Variants in DHRS9 observed in about 807,000 individuals in gnomAD.
DHRS9 encodes the protein dehydrogenase/reductase 9, also known as dehydrogenase/reductase SDR family member 9.
A neutral mutation model predicts 26.6 loss-of-function variants in DHRS9; 18 were observed. The observed-to-expected ratio is 0.68, with a 90% CI of 0.47 to 1.00. The LOEUF (loss-of-function observed/expected upper bound fraction) is 1.00, where lower values mean the gene tolerates loss of function less well. Among genes scored for constraint, DHRS9 ranks in the 50% least tolerant of loss-of-function variants. The pLI, the probability that DHRS9 is intolerant of heterozygous loss-of-function variation, is 0.00. For synonymous variants in DHRS9, 134 were observed against 141.1 expected, an observed-to-expected ratio of 0.95 and a Z score of 0.36; for missense variants, 425 against 378.7, an observed-to-expected ratio of 1.12 and a Z score of -1.01.
At chr2:169,075,822 A>G (rs1004679908) in intron 1 of DHRS9, among the ~76,000 whole-genome samples, 4 of 152,182 alleles carry the variant, frequency 2.6e-5, no homozygotes, top group African/African-American at 9.7e-5. Context: ...CCTGTGTGCC[A>G]TCTCAGGGGG....
rs529290741 is a variant in DHRS9 at position 169,070,451 on chromosome 2, T to C, written c.-60+734T>C. 8.6e-5 allele frequency: 85 copies of C among 985,420 alleles called. No individual in the cohort carries two copies. The African/African-American group carries it at 1.4e-3, about 16-fold the overall frequency. 61.0% of individuals were successfully genotyped at this position (985,420 alleles called of 1,614,324 possible). ...AACAATCAAGTTAGAGTTGTACAAA[T>C]GGCTCTGAAATGTCCCACTACACTG... On this transcript the variant is annotated intron_variant, in intron 1 of 4. Coordinates refer to ENST00000674881, the MANE Select transcript of DHRS9 (RefSeq NM_001376924.1).
intron 3 of DHRS9, among the ~76,000 whole-genome samples, chr2:169,090,534 T>C (rs1459065473): frequency 6.6e-6 from 1 of 152,222 alleles, no homozygotes; most frequent in Non-Finnish European, 1.5e-5. Flanking sequence ...TTTCAAACTT[T>C]ACAATAATAA....
intron 1 of DHRS9, among the ~76,000 whole-genome samples, chr2:169,077,455 A>T (rs560213259): frequency 6.6e-6 from 1 of 152,352 alleles, no homozygotes; most frequent in East Asian, 1.9e-4. Flanking sequence ...ATCAGCATTA[A>T]TCATATTTTG....
Position 169,081,971 on chromosome 2 carries a change from C to G in DHRS9, c.313+77C>G, listed in dbSNP as rs2105291422. On this transcript the variant is annotated intron_variant, in intron 2 of 4. Transcript: ENST00000674881. The stretch of plus-strand genomic sequence containing the variant: ...TAACCAAAGCTAAATAAAACATGCT[C>G]AAGTTTTAAATGGCCTTTCGAGAAA... 8 of 1,416,206 alleles carry G rather than the reference C, an allele frequency of 5.6e-6. 1 individual carries two copies. The highest frequency in any genetic ancestry group is 7.6e-6 in the Non-Finnish European group (8 of 1,054,082). 87.7% of individuals were successfully genotyped at this position (1,416,206 alleles called of 1,614,324 possible).
intron 1 of DHRS9, among the ~76,000 whole-genome samples, chr2:169,071,651 C>T (rs1009283756): frequency 2.6e-5 from 4 of 152,112 alleles, no homozygotes; most frequent in African/African-American, 9.7e-5. Context: ...TTACCTCCTG[C>T]CCTCAGGGAA....
chr2:169,086,168 T>TC (rs1684343295), intron 3 of DHRS9, among the ~76,000 whole-genome samples: 2 of 152,228 alleles, frequency 1.3e-5, no homozygotes, highest in South Asian at 2.1e-4. Context: ...TATGCCTCAT[T>TC]CTTTTTTTTT....
At chr2:169,084,981 T>G (rs2105295078) in intron 3 of DHRS9, among the ~76,000 whole-genome samples, 1 of 152,348 alleles carries the variant, frequency 6.6e-6, no homozygotes, top group Non-Finnish European at 1.5e-5. Flanking sequence ...GATTTAAGTC[T>G]TTAATCCATT....
chr2:169,091,708 T>G (rs1684532037), intron 3 of DHRS9, 82 bp from the exon 4 acceptor site: 1 of 1,407,432 alleles, frequency 7.1e-7, no homozygotes, highest in African/African-American at 1.4e-5. Flanking sequence ...CATGAAAAGA[T>G]TCGTGAGAAA....
At chr2:169,093,949 T>G (rs1684615271) in intron 4 of DHRS9, among the ~76,000 whole-genome samples, 2 of 152,202 alleles carry the variant, frequency 1.3e-5, no homozygotes. Flanking sequence ...AGCTCAGGTA[T>G]GGTTTAAAAG....
chr2:169,081,715 C>A lies in DHRS9; in HGVS notation c.134C>A (p.Ala45Glu). 1 of 1,614,126 alleles carries A rather than the reference C, an allele frequency of 6.2e-7. No homozygotes were observed. Among genetic ancestry groups the A allele is most frequent in the Non-Finnish European group, 8.5e-7 (1 of 1,180,014 alleles). The change falls in exon 2 of 5, where the codon GCA becomes GAA. Residue 45 changes from alanine (A) to glutamate (E), a missense_variant. Transcript: ENST00000674881. ...TGCDSGFGNL[A>E]ARTFDKKGFH... ...TGTGACTCGGGCTTTGGAAACTTGGCAGCCAGAACTTTTGATAAAAAGGGA... is the reference window on the plus strand; with the variant it reads ...TGTGACTCGGGCTTTGGAAACTTGGAAGCCAGAACTTTTGATAAAAAGGGA...
At chr2:169,068,422 G>A (rs1683708083), upstream of DHRS9, among the ~76,000 whole-genome samples, 1 of 152,148 alleles carries the variant, frequency 6.6e-6, no homozygotes, top group African/African-American at 2.4e-5. Flanking sequence ...TGGCCTCCCA[G>A]ATTCAAGAGA....
intron 3 of DHRS9, among the ~76,000 whole-genome samples, chr2:169,088,075 C>T (rs1684408207): frequency 1.3e-5 from 2 of 152,202 alleles, no homozygotes; most frequent in South Asian, 4.1e-4. Flanking sequence ...GAATTGCAAT[C>T]CTTGTGACCT....
At chr2:169,077,875 A>G (rs952218457) in intron 1 of DHRS9, among the ~76,000 whole-genome samples, 1 of 152,124 alleles carries the variant, frequency 6.6e-6, no homozygotes, top group African/African-American at 2.4e-5. Flanking sequence ...CAGTTATTAT[A>G]CTATAACAGA....
At chr2:169,067,263 C>G (rs1418853288), upstream of DHRS9, 8 of 1,535,474 alleles carry the variant, frequency 5.2e-6, no homozygotes, top group Non-Finnish European at 6.1e-6. Flanking sequence ...AGCCTGCACA[C>G]TGGAGTAAGT....
At chr2:169,092,239 A>G (rs1684552566) in intron 4 of DHRS9, among the ~76,000 whole-genome samples, 1 of 152,174 alleles carries the variant, frequency 6.6e-6, no homozygotes, top group South Asian at 2.1e-4. Flanking sequence ...AGAAAGTGAA[A>G]TGTCCTGCTC....
At chr2:169,067,759 A>G (rs141241451), upstream of DHRS9, among the ~76,000 whole-genome samples, 92 of 152,280 alleles carry the variant, frequency 6.0e-4, no homozygotes, top group African/African-American at 1.7e-3. Context: ...TATGAATTTG[A>G]ATGTGTATAT....
chr2:169,070,523 T>C (rs1683767054), intron 1 of DHRS9: 1 of 985,310 alleles, frequency 1.0e-6, no homozygotes, highest in South Asian at 4.7e-5. Context: ...TATCCTAGTA[T>C]CCCTCGGCAT....
chr2:169,067,316 TA>T, upstream of DHRS9: 1 of 1,530,100 alleles, frequency 6.5e-7, no homozygotes, highest in Middle Eastern at 1.7e-4. Context: ...ATCTGTGACT[TA>T]GACCATCCCC....
At chr2:169,068,401 C>T (rs1683707530), upstream of DHRS9, among the ~76,000 whole-genome samples, 1 of 152,186 alleles carries the variant, frequency 6.6e-6, no homozygotes. Flanking sequence ...GATCTTGGCT[C>T]ACACGCAACT....
Sources: gnomAD v4.1 joint callset for allele counts (sites outside exome capture counted in the v4.1 genomes callset) on GRCh38, gnomAD v4.1.1 for gene constraint, MANE v1.5 for transcripts, NCBI Gene and HGNC (gene_info 2026-07-23, HGNC 2026-07-21) for gene names.